Variants in COL5A2 observed in about 807,000 individuals in gnomAD.
COL5A2 encodes the protein collagen type V alpha 2 chain.
Under a neutral mutation model 208.2 loss-of-function variants are expected in COL5A2, and 23 were observed. The ratio of observed to expected loss-of-function variants is 0.11; its 90% CI spans 0.08 to 0.16. The LOEUF (loss-of-function observed/expected upper bound fraction) is 0.16, where lower values mean the gene tolerates loss of function less well. Among genes scored for constraint, COL5A2 ranks in the 10% least tolerant of loss-of-function variants. The pLI, the probability that COL5A2 is intolerant of heterozygous loss-of-function variation, is 1.00. For synonymous variants in COL5A2, 625 were observed against 628.5 expected (o/e 0.99, Z 0.08); for missense variants, 1,590 against 1,956.4 (o/e 0.81, Z 3.53).
At chr2:189,162,646 G>A (rs903307049) in intron 1 of COL5A2, among the ~76,000 whole-genome samples, 3 of 152,140 alleles carry the variant, frequency 2.0e-5, no homozygotes, top group Non-Finnish European at 4.4e-5. Flanking sequence ...ACATACATGT[G>A]AGTATTTGTG....
chr2:189,405,158 G>A, the COL5A2 span, among the ~76,000 whole-genome samples: 7 of 151,852 alleles, frequency 4.6e-5, no homozygotes, highest in African/African-American at 1.5e-4. Flanking sequence ...AAAAATATTA[G>A]GATTAATTGA....
chr2:189,358,137 G>A, the COL5A2 span, among the ~76,000 whole-genome samples: 24 of 152,094 alleles, frequency 1.6e-4, no homozygotes, highest in East Asian at 2.1e-3. Context: ...TGTCGATCTC[G>A]CTGGGAGCTG....
chr2:189,347,159 C>T, the COL5A2 span, among the ~76,000 whole-genome samples: 29 of 152,192 alleles, frequency 1.9e-4, no homozygotes, highest in African/African-American at 6.7e-4. Context: ...AAAAGGAGGA[C>T]ACGTTGCTGA....
the COL5A2 span, among the ~76,000 whole-genome samples, chr2:189,324,384 C>A: frequency 6.6e-6 from 1 of 152,168 alleles, no homozygotes; most frequent in Non-Finnish European, 1.5e-5. Flanking sequence ...AGGCAACCTA[C>A]AGAATGGGAG....
At chr2:189,274,008 CA>C in the COL5A2 span, among the ~76,000 whole-genome samples, 29 of 143,958 alleles carry the variant, frequency 2.0e-4, no homozygotes, top group African/African-American at 2.3e-4. Flanking sequence ...ATTCTTACCA[CA>C]AAAAAAAAAT....
At chr2:189,395,651 CCTA>C in the COL5A2 span, among the ~76,000 whole-genome samples, 3 of 151,936 alleles carry the variant, frequency 2.0e-5, no homozygotes, top group Non-Finnish European at 4.4e-5. Context: ...CACCTGTAAT[CCTA>C]CTATTTTGGG....
the COL5A2 span, among the ~76,000 whole-genome samples, chr2:189,334,257 CA>C: frequency 6.6e-6 from 1 of 151,102 alleles, no homozygotes; most frequent in South Asian, 2.1e-4. Flanking sequence ...CTAGCCAGTA[CA>C]AAAAATCAAG....
At chr2:189,326,337 G>T in the COL5A2 span, among the ~76,000 whole-genome samples, 1 of 152,146 alleles carries the variant, frequency 6.6e-6, no homozygotes, top group East Asian at 1.9e-4. Context: ...CAGCTTCAGA[G>T]GCAAAGATGT....
intron 1 of COL5A2, among the ~76,000 whole-genome samples, chr2:189,215,224 C>T (rs1481788860): frequency 6.6e-6 from 1 of 152,044 alleles, no homozygotes. Flanking sequence ...CTGTGACTGT[C>T]CCAGTTTAAA....
chr2:189,238,117 T>A, the COL5A2 span, among the ~76,000 whole-genome samples: 1 of 149,912 alleles, frequency 6.7e-6, no homozygotes, highest in African/African-American at 2.4e-5. Context: ...TTTTCTGAAA[T>A]AGCTTCAGCT....
chr2:189,422,397 A>G, the COL5A2 span, among the ~76,000 whole-genome samples: 16 of 152,280 alleles, frequency 1.1e-4, no homozygotes, highest in African/African-American at 3.6e-4. Flanking sequence ...AAAATGTAAA[A>G]TATAATAAAG....
chr2:189,092,744 C>T (rs1362510387), intron 6 of COL5A2, among the ~76,000 whole-genome samples: 1 of 152,006 alleles, frequency 6.6e-6, no homozygotes, highest in Non-Finnish European at 1.5e-5. Flanking sequence ...GAGTTTTTGC[C>T]GTGCAAGGGT....
At chr2:189,323,285 A>G in the COL5A2 span, among the ~76,000 whole-genome samples, 1 of 151,874 alleles carries the variant, frequency 6.6e-6, no homozygotes, top group Admixed American at 6.6e-5. Context: ...CTCTCTCACC[A>G]CTCCTATTCA....
intron 1 of COL5A2, among the ~76,000 whole-genome samples, chr2:189,146,282 C>T (rs1385798921): frequency 6.6e-6 from 1 of 152,088 alleles, no homozygotes; most frequent in African/African-American, 2.4e-5. Flanking sequence ...ATGAACCTTA[C>T]TTATTCTATG....
At chr2:189,053,352 G>T in intron 38 of COL5A2, 72 bp downstream of exon 38, 2 of 1,325,656 alleles carry the variant, frequency 1.5e-6, no homozygotes, top group South Asian at 2.4e-5. Context: ...CAAAACATAT[G>T]ACAATGATCA....
At chr2:189,065,536 A>AAAGG (rs1413336892) in intron 23 of COL5A2, among the ~76,000 whole-genome samples, 1 of 152,178 alleles carries the variant, frequency 6.6e-6, no homozygotes, top group Admixed American at 6.5e-5. Context: ...CAGAAAAAAA[A>AAAGG]AAGGAAGAAA....
chr2:189,378,896 C>G, the COL5A2 span, among the ~76,000 whole-genome samples: 2 of 151,978 alleles, frequency 1.3e-5, no homozygotes, highest in African/African-American at 4.8e-5. Flanking sequence ...ATAATATTTG[C>G]TGGAAAATCT....
At chr2:189,294,963 G>A in the COL5A2 span, among the ~76,000 whole-genome samples, 2 of 152,030 alleles carry the variant, frequency 1.3e-5, no homozygotes, top group Non-Finnish European at 2.9e-5. Flanking sequence ...ATACCACCAT[G>A]CCTAGCTAAT....
chr2:189,052,879 A>C, intron 39 of COL5A2, 32 bp downstream of exon 39: 4 of 1,611,756 alleles, frequency 2.5e-6, no homozygotes, highest in Non-Finnish European at 3.4e-6. Context: ...GGGGCACTTG[A>C]CTCAAGTTAT....
Sources: gnomAD v4.1 joint callset for allele counts (sites outside exome capture counted in the v4.1 genomes callset) on GRCh38, gnomAD v4.1.1 for gene constraint, MANE v1.5 for transcripts, NCBI Gene and HGNC (gene_info 2026-07-23, HGNC 2026-07-21) for gene names.